The following CCSER1 variants were observed in gnomAD, a reference collection of about 807,000 sequenced individuals.
CCSER1 encodes the protein coiled-coil serine rich protein 1.
Under a neutral mutation model 82.0 loss-of-function variants are expected in CCSER1, and 41 were observed. The ratio of observed to expected loss-of-function variants is 0.50; its 90% CI spans 0.39 to 0.65. CCSER1 has a LOEUF of 0.65. CCSER1 is among the 30% of genes least tolerant of loss of function. The pLI is 0.00. For missense variants in CCSER1, 1,119 were observed against 1,064.2 expected (o/e 1.05, Z -0.72); for synonymous variants, 414 against 383.9 (o/e 1.08, Z -0.92).
intron 5 of CCSER1, among the ~76,000 whole-genome samples, chr4:90,567,376 C>A (rs1296710530): frequency 6.6e-6 from 1 of 151,646 alleles, no homozygotes; most frequent in Admixed American, 6.6e-5. Flanking sequence ...CTGCAACCTC[C>A]GCCTTCCAGG....
chr4:90,317,507 A>G (rs887195462), intron 3 of CCSER1, among the ~76,000 whole-genome samples: 2 of 152,206 alleles, frequency 1.3e-5, no homozygotes, highest in Non-Finnish European at 2.9e-5. Flanking sequence ...CTGTAATCCC[A>G]GCTACTCGGA....
chr4:91,441,080 A>G (rs997061351), intron 10 of CCSER1, among the ~76,000 whole-genome samples: 7 of 152,110 alleles, frequency 4.6e-5, no homozygotes, highest in African/African-American at 1.7e-4. Flanking sequence ...AAACTATTCC[A>G]ATCAATAGAA....
chr4:90,748,066 A>G (rs1158587986), intron 7 of CCSER1, among the ~76,000 whole-genome samples: 1 of 137,522 alleles, frequency 7.3e-6, no homozygotes. Flanking sequence ...TTTAAGTTTT[A>G]GGGTACATGT....
At chr4:91,356,628 C>T (rs534741990) in intron 10 of CCSER1, among the ~76,000 whole-genome samples, 17 of 152,226 alleles carry the variant, frequency 1.1e-4, no homozygotes, top group African/African-American at 4.1e-4. Context: ...TGGCAGAGTG[C>T]CCAGTAAAAG....
In CCSER1 at chr4:90,579,050, A is replaced by G. The variant is rs899265280; in HGVS notation, c.1725-48975A>G. Among the ~76,000 whole-genome samples, 73 of 63,832 alleles carry G rather than the reference A, an allele frequency of 1.1e-3. No individual in the cohort carries two copies. The African/African-American group carries it at 0.013, about 12-fold the overall frequency. The allele number at this position is 63,832 out of a possible 152,430, so 41.9% of individuals were successfully genotyped here. ...CTTGACTTTTTTTAATCAATAAAAT[A>G]AATAATATCCTAGCTACTTAAAATG... On this transcript the variant is annotated intron_variant, in intron 5 of 10. Coordinates refer to ENST00000509176, the MANE Select transcript of CCSER1 (RefSeq NM_001145065.2).
chr4:90,356,985 T>C (rs1744472055), intron 3 of CCSER1, among the ~76,000 whole-genome samples: 1 of 151,944 alleles, frequency 6.6e-6, no homozygotes, highest in South Asian at 2.1e-4. Context: ...CAATCAAATG[T>C]ATTTGGAATA....
intron 5 of CCSER1, among the ~76,000 whole-genome samples, chr4:90,545,702 A>G (rs1776675095): frequency 6.6e-6 from 1 of 152,084 alleles, no homozygotes; most frequent in Non-Finnish European, 1.5e-5. Context: ...CTTTTTATCC[A>G]TTTGGTTCAA....
rs1159106987 is a variant in CCSER1, at chr4:90,911,331, T to C, written c.2095-12039T>C. 3 of 456,152 alleles carry C rather than the reference T, an allele frequency of 6.6e-6. No homozygotes were observed. In the Admixed American group the frequency reaches 7.1e-5, roughly 11 times the overall value. 28.3% of individuals were successfully genotyped at this position (456,152 alleles called of 1,614,324 possible). A position where few individuals can be genotyped will look rare whatever the true frequency, so the allele number is the denominator to read the frequency against. On this transcript the variant is annotated intron_variant, in intron 8 of 10. Transcript: ENST00000509176. ...TTTCTTGAAGATTCTACTGATGTCT[T>C]CAGTGATATGCATGCCCCCATTAAA...
At chr4:90,767,680 A>T (rs1171595712) in intron 7 of CCSER1, among the ~76,000 whole-genome samples, 2 of 151,288 alleles carry the variant, frequency 1.3e-5, no homozygotes, top group East Asian at 1.9e-4. Context: ...AAACAGGGTA[A>T]TTTTTTTTTA....
intron 10 of CCSER1, among the ~76,000 whole-genome samples, chr4:91,514,446 T>C (rs895600202): frequency 3.9e-5 from 6 of 152,184 alleles, no homozygotes; most frequent in Non-Finnish European, 8.8e-5. Flanking sequence ...ATATGAGAAG[T>C]ATTCTATAGA....
chr4:90,135,684 C>T (rs910300936), intron 1 of CCSER1, among the ~76,000 whole-genome samples: 3 of 152,196 alleles, frequency 2.0e-5, no homozygotes, highest in Admixed American at 6.5e-5. Flanking sequence ...TTAGGACCAT[C>T]GCCAGACTGC....
At chr4:90,645,163 C>A (rs548838652) in intron 6 of CCSER1, among the ~76,000 whole-genome samples, 1 of 151,862 alleles carries the variant, frequency 6.6e-6, no homozygotes, top group East Asian at 1.9e-4. Context: ...TCTTATCCAC[C>A]TTTCTAAGTC....
chr4:91,482,131 G>C (rs577918879), intron 10 of CCSER1, among the ~76,000 whole-genome samples: 3 of 151,982 alleles, frequency 2.0e-5, no homozygotes, highest in African/African-American at 7.2e-5. Context: ...GGCCGGGCGC[G>C]GTGGCTCACG....
At position 90,564,750 on chromosome 4, in the gene CCSER1, A is replaced by G. The variant is rs141020420; in HGVS notation, c.1725-63275A>G. ...TCATTCTTCTTCATGTGGATACCCA[A>G]TTTTCCCAAAACTATTCATTGAAGA... is the stretch of plus-strand genomic sequence containing the variant. On this transcript the variant is annotated intron_variant, in intron 5 of 10. Coordinates refer to ENST00000509176, the MANE Select transcript of CCSER1 (RefSeq NM_001145065.2). Among the ~76,000 whole-genome samples the G allele has an allele frequency of 6.5e-3, 982 of 151,578 alleles. 17 individuals are homozygous for G. The highest frequency in any genetic ancestry group is 0.023 in the African/African-American group (936 of 41,266).
At chr4:91,213,315 GA>G (rs1307571011) in intron 10 of CCSER1, among the ~76,000 whole-genome samples, 1 of 151,968 alleles carries the variant, frequency 6.6e-6, no homozygotes, top group Non-Finnish European at 1.5e-5. Flanking sequence ...TGGGTACTGG[GA>G]AAAACAGAGA....
At chr4:90,972,419 T>C (rs1735198122) in intron 9 of CCSER1, among the ~76,000 whole-genome samples, 1 of 151,750 alleles carries the variant, frequency 6.6e-6, no homozygotes, top group South Asian at 2.1e-4. Flanking sequence ...AGCAACACCA[T>C]TTAAAATATC....
chr4:91,217,695 A>G (rs1037130656), intron 10 of CCSER1, among the ~76,000 whole-genome samples: 1 of 152,164 alleles, frequency 6.6e-6, no homozygotes, highest in African/African-American at 2.4e-5. Context: ...ACCCTGAGCT[A>G]GATACAGAGT....
At chr4:91,549,656 G>A (rs1200692531) in intron 10 of CCSER1, among the ~76,000 whole-genome samples, 1 of 152,036 alleles carries the variant, frequency 6.6e-6, no homozygotes, top group South Asian at 2.1e-4. Context: ...GGGCAACATG[G>A]CACAATCCCG....
chr4:90,789,007 T>TACACAC lies in CCSER1; in HGVS notation c.2011-26740_2011-26735dup, dbSNP rs57954085. ...TGATTAAGCTTTTCTATCTAACACATACACACACACACACACACACCATCT... is the reference window on the plus strand; with the variant it reads ...TGATTAAGCTTTTCTATCTAACACATACACACACACACACACACACACACACCATCT... On this transcript the variant is annotated intron_variant, in intron 7 of 10. Transcript: ENST00000509176. Among the ~76,000 whole-genome samples the TACACAC allele has an allele frequency of 3.3e-5, 5 of 149,492 alleles. No individual in the cohort carries two copies. In the East Asian group the frequency reaches 7.8e-4, roughly 23 times the overall value.
Sources: allele counts gnomAD v4.1 joint callset (sites outside exome capture counted in the v4.1 genomes callset), GRCh38; gene constraint gnomAD v4.1.1; transcripts MANE v1.5; gene names NCBI Gene and HGNC (gene_info 2026-07-23, HGNC 2026-07-21).